The following LSAMP variants were observed in gnomAD, a reference collection of about 807,000 sequenced individuals.
LSAMP encodes limbic system-associated membrane protein.
In LSAMP, 7 loss-of-function variants were observed where a neutral mutation model predicts 38.6. The ratio of observed to expected loss-of-function variants is 0.18; its 90% CI spans 0.10 to 0.34. LSAMP has a LOEUF of 0.34. Ranked by LOEUF, LSAMP falls within the 10% of genes least tolerant of loss-of-function variation. The probability of loss-of-function intolerance (pLI) is 1.00; values close to 1 mark genes in which losing one functional copy is unlikely to be tolerated. For missense variants in LSAMP, 313 were observed against 420.0 expected, an observed-to-expected ratio of 0.75 and a Z score of 2.23; for synonymous variants, 154 against 166.8, an observed-to-expected ratio of 0.92 and a Z score of 0.59.
chr3:116,085,562 G>T (rs1707970446), intron 2 of LSAMP, among the ~76,000 whole-genome samples: 1 of 152,194 alleles, frequency 6.6e-6, no homozygotes, highest in Admixed American at 6.5e-5. Context: ...ACTGCTGGTG[G>T]TTGGGCTTCA....
At chr3:116,018,096 C>T (rs775287442) in intron 3 of LSAMP, among the ~76,000 whole-genome samples, 2 of 151,994 alleles carry the variant, frequency 1.3e-5, no homozygotes, top group East Asian at 1.9e-4. Flanking sequence ...AATAAGTATG[C>T]GAGTCAATGA....
At chr3:115,863,577 A>T (rs1051305443) in intron 3 of LSAMP, among the ~76,000 whole-genome samples, 1 of 151,758 alleles carries the variant, frequency 6.6e-6, no homozygotes, top group Non-Finnish European at 1.5e-5. Context: ...TTGCATATAC[A>T]TATATATTGT....
intron 2 of LSAMP, among the ~76,000 whole-genome samples, chr3:116,057,848 T>A (rs1941516041): frequency 1.3e-5 from 2 of 151,920 alleles, no homozygotes; most frequent in South Asian, 4.2e-4. Context: ...TTTTTGCCAT[T>A]GAATCATTCA....
chr3:115,861,185 CCTTCCTTCCTTCCTTCCTTCCTTT>C (rs1387611889), intron 3 of LSAMP, among the ~76,000 whole-genome samples: 20 of 110,234 alleles, frequency 1.8e-4, no homozygotes, highest in African/African-American at 7.3e-4. Flanking sequence ...TTCCTTCCTT[CCTTCCTTCCTTCCTTCCTTCCTTT>C]CCTTCCTCCC....
At chr3:116,189,439 C>T (rs1475648640) in intron 1 of LSAMP, among the ~76,000 whole-genome samples, 2 of 152,134 alleles carry the variant, frequency 1.3e-5, no homozygotes, top group Non-Finnish European at 1.5e-5. Flanking sequence ...GTCTGGATGA[C>T]ATTCAGAAAA....
At chr3:116,292,411 T>C (rs1337599213) in intron 1 of LSAMP, among the ~76,000 whole-genome samples, 2 of 152,126 alleles carry the variant, frequency 1.3e-5, no homozygotes, top group Non-Finnish European at 1.5e-5. Context: ...ATAAATGACA[T>C]TGTATAAATG....
At chr3:115,919,006 C>T (rs1937320759) in intron 3 of LSAMP, among the ~76,000 whole-genome samples, 1 of 152,132 alleles carries the variant, frequency 6.6e-6, no homozygotes, top group South Asian at 2.1e-4. Context: ...TTAACACTAT[C>T]TACAATATCT....
intron 6 of LSAMP, among the ~76,000 whole-genome samples, chr3:115,825,709 A>G (rs970040491): frequency 3.2e-4 from 49 of 152,208 alleles, no homozygotes; most frequent in African/African-American, 1.2e-3. Context: ...TCTAGAAATT[A>G]TCTTTATTTT....
chr3:116,345,671 T>A (rs758328963), intron 1 of LSAMP, among the ~76,000 whole-genome samples: 71 of 152,284 alleles, frequency 4.7e-4, no homozygotes, highest in Admixed American at 1.3e-3. Context: ...TTAGAACTTC[T>A]GAGATTTGTT....
intron 1 of LSAMP, among the ~76,000 whole-genome samples, chr3:116,269,142 C>T (rs996874194): frequency 3.3e-5 from 5 of 152,044 alleles, no homozygotes; most frequent in African/African-American, 4.8e-5. Flanking sequence ...TTTAATTACT[C>T]TCTCAATTAT....
At position 116,413,625 on chromosome 3, in the gene LSAMP, C is replaced by T. The variant is rs181954465; in HGVS notation, c.155+31252G>A. ...CTTTAAATTGAATCAGCACCAAAGT[C>T]CTGTATTTTCTCATCCACTGGTTCC... On this transcript the variant is annotated intron_variant, in intron 1 of 6. Transcript: ENST00000490035. Among the ~76,000 whole-genome samples the T allele has an allele frequency of 2.7e-3, 416 of 152,092 alleles. 1 individual carries two copies. The highest frequency in any genetic ancestry group is 9.5e-3 in the African/African-American group (395 of 41,512).
intron 1 of LSAMP, among the ~76,000 whole-genome samples, chr3:116,308,633 A>G (rs2047516527): frequency 1.3e-5 from 2 of 151,898 alleles, no homozygotes; most frequent in South Asian, 2.1e-4. Context: ...TTTTCTTTCT[A>G]TTGTCACCTG....
chr3:116,185,126 T>G (rs1484235893), intron 1 of LSAMP, among the ~76,000 whole-genome samples: 1 of 150,928 alleles, frequency 6.6e-6, no homozygotes, highest in Non-Finnish European at 1.5e-5. Flanking sequence ...CCCTTCTCCC[T>G]CCAGAATTTT....
chr3:116,392,841 G>A (rs1337031076), intron 1 of LSAMP, among the ~76,000 whole-genome samples: 2 of 152,160 alleles, frequency 1.3e-5, no homozygotes, highest in East Asian at 1.9e-4. Flanking sequence ...GGGAGATGAC[G>A]GGATGACAAG....
At chr3:115,916,654 C>A (rs1426067700) in intron 3 of LSAMP, among the ~76,000 whole-genome samples, 1 of 152,146 alleles carries the variant, frequency 6.6e-6, no homozygotes, top group Non-Finnish European at 1.5e-5. Context: ...CCTATAGGAA[C>A]TTGAAAATAT....
chr3:116,384,707 G>A (rs1026866913), intron 1 of LSAMP, among the ~76,000 whole-genome samples: 9 of 152,120 alleles, frequency 5.9e-5, no homozygotes, highest in African/African-American at 2.2e-4. Context: ...TAGCTTTGAG[G>A]AGGTGTTTCG....
chr3:115,928,287 A>T (rs1478176044), intron 3 of LSAMP, among the ~76,000 whole-genome samples: 1 of 151,944 alleles, frequency 6.6e-6, no homozygotes, highest in African/African-American at 2.4e-5. Flanking sequence ...CTCTTCTTTA[A>T]TGATTAATTT....
intron 3 of LSAMP, among the ~76,000 whole-genome samples, chr3:115,905,488 T>TC (rs1194121165): frequency 1.3e-5 from 2 of 152,146 alleles, no homozygotes; most frequent in African/African-American, 4.8e-5. Flanking sequence ...GTTCAGTTTT[T>TC]CATCTGTGAA....
intron 1 of LSAMP, among the ~76,000 whole-genome samples, chr3:116,135,331 T>C (rs7646928): frequency 0.058 from 8,856 of 152,296 alleles, 306 homozygotes; most frequent in Middle Eastern, 0.16. Context: ...GCTTACTATG[T>C]ACAAGGCATT....
Sources: allele counts gnomAD v4.1 joint callset (sites outside exome capture counted in the v4.1 genomes callset), GRCh38; gene constraint gnomAD v4.1.1; transcripts MANE v1.5; gene names NCBI Gene and HGNC (gene_info 2026-07-23, HGNC 2026-07-21).